The following COL22A1 variants were observed in gnomAD, a reference collection of about 807,000 sequenced individuals.
COL22A1 encodes collagen type XXII alpha 1 chain, also known as collagen alpha-1(XXII) chain.
In COL22A1, 221 loss-of-function variants were observed where a neutral mutation model predicts 248.9. The ratio of observed to expected loss-of-function variants is 0.89; its 90% CI spans 0.80 to 0.99. The LOEUF is 0.99. COL22A1 is among the 50% of genes least tolerant of loss of function. The pLI, the probability that COL22A1 is intolerant of heterozygous loss-of-function variation, is 0.00. For missense variants in COL22A1, 2,240 were observed against 2,179.0 expected, an observed-to-expected ratio of 1.03 and a Z score of -0.56; for synonymous variants, 891 against 793.4, an observed-to-expected ratio of 1.12 and a Z score of -2.07.
chr8:138,852,377 T>C (rs550844647), intron 3 of COL22A1, among the ~76,000 whole-genome samples: 25 of 152,266 alleles, frequency 1.6e-4, no homozygotes, highest in Non-Finnish European at 2.8e-4. Context: ...GGGCAGGATC[T>C]GAAGGTAGAT....
At position 138,725,752 on chromosome 8, in the gene COL22A1, G is replaced by GACACAC. The variant is rs66497386; in HGVS notation, c.2140-318_2140-313dup. On this transcript the variant is annotated intron_variant, in intron 23 of 64. Transcript: ENST00000303045. ...ATACATATATGTGTGCACATGTGCAGACACACACACACACACACACACACA... is the reference window on the plus strand; with the variant it reads ...ATACATATATGTGTGCACATGTGCAGACACACACACACACACACACACACACACACA... Among the ~76,000 whole-genome samples, 986 of 148,656 alleles carry GACACAC rather than the reference G, an allele frequency of 6.6e-3. 4 individuals are homozygous for GACACAC. Among genetic ancestry groups the GACACAC allele is most frequent in the South Asian group, 9.9e-3 (45 of 4,568 alleles).
intron 53 of COL22A1, among the ~76,000 whole-genome samples, chr8:138,618,249 G>A (rs569346149): frequency 1.1e-4 from 16 of 152,192 alleles, no homozygotes; most frequent in Non-Finnish European, 2.2e-4. Context: ...AAATGACAAA[G>A]TAAAGGCTGA....
At position 138,605,636 on chromosome 8, in the gene COL22A1, G is replaced by T. The variant is rs541165593; in HGVS notation, c.4104+745C>A. Among the ~76,000 whole-genome samples the T allele has an allele frequency of 3.9e-5, 6 of 152,170 alleles. No homozygotes were observed. The South Asian group carries it at 1.0e-3, about 26-fold the overall frequency. The stretch of plus-strand genomic sequence containing the variant: ...ATTGGAGGGTATGGACAAGAACATG[G>T]GTAAGCTCTCTACTCTGGTATGTTA... On this transcript the variant is annotated intron_variant, in intron 58 of 64. Coordinates refer to ENST00000303045, the MANE Select transcript of COL22A1 (RefSeq NM_152888.3).
chr8:138,791,408 T>A (rs959459925), intron 12 of COL22A1, among the ~76,000 whole-genome samples: 1 of 152,178 alleles, frequency 6.6e-6, no homozygotes, highest in African/African-American at 2.4e-5. Context: ...CCGGACTCCA[T>A]CTGCCAAGTA....
In COL22A1 at chr8:138,724,975, C is replaced by T. The variant is rs911131119; in HGVS notation, c.2194-307G>A. ...ACTCCGTAGGTGGGTGTGGATTCTC[C>T]CCACTCCCCCATGCCCACTTTCAGG... is the stretch of plus-strand genomic sequence containing the variant. On this transcript the variant is annotated intron_variant, in intron 24 of 64. Coordinates refer to ENST00000303045, the MANE Select transcript of COL22A1 (RefSeq NM_152888.3). Among the ~76,000 whole-genome samples the T allele has an allele frequency of 1.6e-4, 25 of 152,250 alleles. 1 individual carries two copies. The highest frequency in any genetic ancestry group is 2.6e-4 in the Admixed American group (4 of 15,290).
intron 3 of COL22A1, among the ~76,000 whole-genome samples, chr8:138,854,202 G>C (rs542154222): frequency 1.3e-5 from 2 of 152,260 alleles, no homozygotes; most frequent in Admixed American, 1.3e-4. Context: ...ATGATCATTA[G>C]GCTGATGGCC....
At chr8:138,692,244 GGACGTATGTGTGCGTGTGTGCA>G (rs1827090683) in intron 35 of COL22A1, among the ~76,000 whole-genome samples, 1 of 41,408 alleles carries the variant, frequency 2.4e-5, no homozygotes. Flanking sequence ...GCATGTTTGT[GGACGTATGTGTGCGTGTGTGCA>G]TGTTTGTGTG....
chr8:138,634,290 G>A (rs1036595158), intron 49 of COL22A1, among the ~76,000 whole-genome samples: 24 of 152,058 alleles, frequency 1.6e-4, no homozygotes, highest in East Asian at 5.8e-4. Context: ...GATCCTTTTC[G>A]GTGGTCTTTC....
chr8:138,695,463 C>T (rs769902871), intron 32 of COL22A1, among the ~76,000 whole-genome samples: 1 of 152,084 alleles, frequency 6.6e-6, no homozygotes, highest in Non-Finnish European at 1.5e-5. Context: ...TGTGTACCTG[C>T]CTCCTGGAAC....
chr8:138,728,917 G>A (rs1386861823), intron 23 of COL22A1, among the ~76,000 whole-genome samples: 1 of 152,080 alleles, frequency 6.6e-6, no homozygotes, highest in Non-Finnish European at 1.5e-5. Context: ...GACTCGTCCA[G>A]GCCAGCTCCG....
intron 21 of COL22A1, among the ~76,000 whole-genome samples, chr8:138,753,127 T>C (rs1328090541): frequency 6.6e-6 from 1 of 152,256 alleles, no homozygotes; most frequent in African/African-American, 2.4e-5. Flanking sequence ...TCAGGTGCTC[T>C]GGTTCCTAAT....
At chr8:138,759,368 C>A (rs1325190454) in intron 18 of COL22A1, among the ~76,000 whole-genome samples, 1 of 152,190 alleles carries the variant, frequency 6.6e-6, no homozygotes, top group African/African-American at 2.4e-5. Context: ...CGATGCTGAT[C>A]GGGTCTCAGC....
chr8:138,696,275 G>A (rs535009950), intron 32 of COL22A1, among the ~76,000 whole-genome samples: 2 of 152,212 alleles, frequency 1.3e-5, no homozygotes, highest in South Asian at 2.1e-4. Flanking sequence ...GGGGGACATC[G>A]GGCTCCCCTG....
chr8:138,665,393 G>A (rs897590978), intron 41 of COL22A1, among the ~76,000 whole-genome samples: 10 of 152,234 alleles, frequency 6.6e-5, no homozygotes, highest in Admixed American at 2.6e-4. Flanking sequence ...ATAGTAAAGT[G>A]AAGGGGTAGA....
intron 12 of COL22A1, among the ~76,000 whole-genome samples, chr8:138,795,467 T>C (rs1013749725): frequency 1.3e-5 from 2 of 151,930 alleles, no homozygotes; most frequent in African/African-American, 4.8e-5. Context: ...AGACAGCCAG[T>C]GGTTAATAAT....
chr8:138,828,522 A>G (rs1417317153), intron 5 of COL22A1, among the ~76,000 whole-genome samples: 2 of 152,222 alleles, frequency 1.3e-5, no homozygotes, highest in Admixed American at 1.3e-4. Flanking sequence ...TAAAGCACTT[A>G]CACTTAGGAT....
At chr8:138,823,600 T>C (rs1399989285) in intron 6 of COL22A1, among the ~76,000 whole-genome samples, 4 of 152,164 alleles carry the variant, frequency 2.6e-5, no homozygotes, top group African/African-American at 7.2e-5. Context: ...GAGATGGGGT[T>C]TCACCATGTT....
At chr8:138,850,815 T>C (rs1326211819) in intron 3 of COL22A1, among the ~76,000 whole-genome samples, 2 of 152,162 alleles carry the variant, frequency 1.3e-5, no homozygotes, top group Admixed American at 6.5e-5. Flanking sequence ...CGAAAGTCCC[T>C]CCCCTTTCCA....
intron 47 of COL22A1, among the ~76,000 whole-genome samples, chr8:138,638,669 T>C (rs1011136860): frequency 1.3e-5 from 2 of 152,218 alleles, no homozygotes; most frequent in African/African-American, 2.4e-5. Flanking sequence ...GCATTTCTTC[T>C]GACATTTTTC....
Sources: allele counts gnomAD v4.1 joint callset (sites outside exome capture counted in the v4.1 genomes callset), GRCh38; gene constraint gnomAD v4.1.1; transcripts MANE v1.5; gene names NCBI Gene and HGNC (gene_info 2026-07-23, HGNC 2026-07-21).